POLR1C: variants seen among roughly 807,000 people sequenced by gnomAD.
The protein encoded by POLR1C is DNA-directed RNA polymerases I and III subunit RPAC1.
In POLR1C, 42 loss-of-function variants were observed where a neutral mutation model predicts 38.3. That is an observed-to-expected ratio of 1.10 (90% confidence interval 0.86 to 1.42). The LOEUF is 1.42. POLR1C is among the 40% of genes most tolerant of loss of function. The probability of loss-of-function intolerance (pLI) is 0.00; values close to 1 mark genes in which losing one functional copy is unlikely to be tolerated. For missense variants in POLR1C, 507 were observed against 450.5 expected, an observed-to-expected ratio of 1.13 and a Z score of -1.14; for synonymous variants, 163 against 163.9, an observed-to-expected ratio of 0.99 and a Z score of 0.04.
intron 8 of POLR1C, chr6:43,529,068 TAA>T (rs1469687718): frequency 9.0e-7 from 1 of 1,107,526 alleles, no homozygotes; most frequent in Non-Finnish European, 1.3e-6. Context: ...GAAAAAATCT[TAA>T]AGTTCTTTTC....
intron 9 of POLR1C, among the ~76,000 whole-genome samples, chr6:43,543,002 A>G (rs1409690706): frequency 1.3e-5 from 2 of 152,186 alleles, no homozygotes; most frequent in Non-Finnish European, 2.9e-5. Context: ...ATATTCACAC[A>G]ATGAAGTATC....
At chr6:43,530,941 TTG>T (rs1793934024), downstream of POLR1C, 3 of 1,303,602 alleles carry the variant, frequency 2.3e-6, no homozygotes, top group Non-Finnish European at 3.1e-6. Flanking sequence ...AGAAGAGCAG[TTG>T]TATTTACTTA....
rs1793168705 is a variant in POLR1C at position 43,521,234 on chromosome 6, CATCAAAGT to C, written c.977_984del (p.Ile326ThrfsTer11). ...CACCAGATGTGCTGGTGAGTGAAGC[CATCAAAGT>C]ACTGATGGGGAAGTGCCGGCGCTTC... On this transcript the variant is annotated frameshift_variant, in exon 9 of 9. Transcript: ENST00000642195. LOFTEE classifies it high-confidence loss of function. The C allele has an allele frequency of 6.2e-7, 1 of 1,613,646 alleles. No homozygotes were observed. Among genetic ancestry groups the C allele is most frequent in the African/African-American group, 1.3e-5 (1 of 74,900 alleles).
At chr6:43,523,726 T>G (rs756414830), downstream of POLR1C, 3 of 1,350,768 alleles carry the variant, frequency 2.2e-6, no homozygotes, top group Non-Finnish European at 3.2e-6. Flanking sequence ...GGGCCTGTTC[T>G]CTCCAGCTCC....
chr6:43,547,820 T>C (rs1329668282), intron 9 of POLR1C: 2 of 797,048 alleles, frequency 2.5e-6, no homozygotes, highest in African/African-American at 1.7e-5. Flanking sequence ...GTTTTTATAG[T>C]GAGAGGAGTA....
downstream of POLR1C, chr6:43,524,095 A>G (rs1793377925): frequency 1.2e-5 from 18 of 1,518,896 alleles, no homozygotes; most frequent in Admixed American, 1.0e-4. Context: ...TCGCGCCTGT[A>G]ATCCCAACAC....
chr6:43,539,399 A>T, intron 9 of POLR1C: 1 of 1,576,160 alleles, frequency 6.3e-7, no homozygotes, highest in Non-Finnish European at 8.6e-7. Context: ...CTCATCCTTG[A>T]GAGAGGCCCC....
chr6:43,519,480 G>C (rs749890915), intron 3 of POLR1C, 40 bp downstream of exon 3: 5 of 1,427,728 alleles, frequency 3.5e-6, no homozygotes, highest in Non-Finnish European at 5.0e-6. Context: ...GTTGCTTTGG[G>C]AACTGCACTG....
chr6:43,531,378 C>T, downstream of POLR1C: 1 of 1,059,274 alleles, frequency 9.4e-7, no homozygotes, highest in East Asian at 2.4e-5. Flanking sequence ...AAACTCTTGC[C>T]TCGCCTTACC....
chr6:43,553,717 G>GCCT, intron 10 of POLR1C: 1 of 992,966 alleles, frequency 1.0e-6, no homozygotes, highest in Non-Finnish European at 1.3e-6. Context: ...TTCCTACCAT[G>GCCT]CCTCCTCCTC....
chr6:43,529,035 C>T (rs1793777448), intron 8 of POLR1C: 6 of 1,155,200 alleles, frequency 5.2e-6, no homozygotes, highest in Non-Finnish European at 7.4e-6. Context: ...TGCCAGATGT[C>T]AAAAATATCC....
intron 9 of POLR1C, among the ~76,000 whole-genome samples, chr6:43,535,894 C>T (rs1469149360): frequency 6.7e-6 from 1 of 149,942 alleles, no homozygotes; most frequent in Non-Finnish European, 1.5e-5. Context: ...AGGCCAAGGC[C>T]GGAGAATCAC....
downstream of POLR1C, chr6:43,525,920 A>T (rs1176263461): frequency 3.1e-6 from 5 of 1,613,884 alleles, no homozygotes; most frequent in South Asian, 3.3e-5. Context: ...TCATTTCTTC[A>T]TCTGTTATCA....
chr6:43,538,484 T>TA, intron 9 of POLR1C, among the ~76,000 whole-genome samples: 1 of 152,134 alleles, frequency 6.6e-6, no homozygotes, highest in East Asian at 1.9e-4. Flanking sequence ...TAAATATATA[T>TA]AAACCTTGTG....
intron 9 of POLR1C, among the ~76,000 whole-genome samples, chr6:43,535,861 G>T (rs1229541743): frequency 6.8e-6 from 1 of 147,282 alleles, no homozygotes; most frequent in Non-Finnish European, 1.5e-5. Flanking sequence ...AGTGGCTCAC[G>T]CCTGTAATCC....
In POLR1C at chr6:43,551,141, A is replaced by G. The variant is rs148016812; in HGVS notation, c.*48+130A>G. 1.4e-3 allele frequency: 931 copies of G among 657,354 alleles called. 1 individual carries two copies. The highest frequency in any genetic ancestry group is 2.0e-3 in the Non-Finnish European group (842 of 426,972). The allele number at this position is 657,354 out of a possible 1,614,324, so 40.7% of individuals were successfully genotyped here. A position where few individuals can be genotyped will look rare whatever the true frequency, so the allele number is the denominator to read the frequency against. On this transcript the variant is annotated intron_variant, in intron 10 of 10. Transcript: ENST00000607635. ...CATGGTTGTGCATGCTTGTAGTCTC[A>G]GCTACTCAGAAGGGTGAGGTGTGAG... is the stretch of plus-strand genomic sequence containing the variant.
intron 10 of POLR1C, among the ~76,000 whole-genome samples, chr6:43,557,085 G>A (rs1041341142): frequency 7.1e-6 from 1 of 141,264 alleles, no homozygotes; most frequent in Non-Finnish European, 1.5e-5. Flanking sequence ...CCGAGAGTGT[G>A]TCATTGCACT....
At chr6:43,562,209 T>C in exon 11 of POLR1C, 1 of 1,536,136 alleles carries the variant, frequency 6.5e-7, no homozygotes, top group Non-Finnish European at 8.9e-7. Flanking sequence ...TCTTCCCAAA[T>C]GGGCTTGAAG....
At chr6:43,548,316 G>C (rs374012350) in intron 9 of POLR1C, 1 of 1,613,394 alleles carries the variant, frequency 6.2e-7, no homozygotes. Context: ...AGCTCCTCTA[G>C]GAACACCTTC....
Sources: allele counts gnomAD v4.1 joint callset (sites outside exome capture counted in the v4.1 genomes callset), GRCh38; gene constraint gnomAD v4.1.1; transcripts MANE v1.5; gene names NCBI Gene and HGNC (gene_info 2026-07-23, HGNC 2026-07-21).